PLCH1: variants seen among roughly 807,000 people sequenced by gnomAD.
The protein encoded by PLCH1 is 1-phosphatidylinositol 4,5-bisphosphate phosphodiesterase eta-1.
Under a neutral mutation model 126.7 loss-of-function variants are expected in PLCH1, and 60 were observed. The ratio of observed to expected loss-of-function variants is 0.47; its 90% CI spans 0.38 to 0.59. The LOEUF is 0.59. Ranked by LOEUF, PLCH1 falls within the 20% of genes least tolerant of loss-of-function variation. The pLI, the probability that PLCH1 is intolerant of heterozygous loss-of-function variation, is 0.00. For missense variants in PLCH1, 1,723 were observed against 2,040.0 expected, an observed-to-expected ratio of 0.84 and a Z score of 2.99; for synonymous variants, 719 against 734.9, an observed-to-expected ratio of 0.98 and a Z score of 0.35.
chr3:155,721,198 G>A (rs1269160571), intron 1 of PLCH1, among the ~76,000 whole-genome samples: 1 of 152,086 alleles, frequency 6.6e-6, no homozygotes, highest in Non-Finnish European at 1.5e-5. Flanking sequence ...TGGCTATGTG[G>A]GCTTTTTTAT....
At chr3:155,653,195 A>G (rs1011620374) in intron 2 of PLCH1, among the ~76,000 whole-genome samples, 1 of 150,882 alleles carries the variant, frequency 6.6e-6, no homozygotes, top group African/African-American at 2.4e-5. Flanking sequence ...ATAGATATAT[A>G]GATATAGATG....
At chr3:155,588,740 G>A (rs1731707084) in intron 4 of PLCH1, among the ~76,000 whole-genome samples, 1 of 152,060 alleles carries the variant, frequency 6.6e-6, no homozygotes, top group South Asian at 2.1e-4. Context: ...TAAAAACAGA[G>A]GCAGAATCAA....
At chr3:155,732,689 C>A (rs1479992994) in intron 1 of PLCH1, among the ~76,000 whole-genome samples, 1 of 151,600 alleles carries the variant, frequency 6.6e-6, no homozygotes, top group African/African-American at 2.4e-5. Flanking sequence ...ACCAGCCTAG[C>A]CAAAGTAATG....
intron 2 of PLCH1, among the ~76,000 whole-genome samples, chr3:155,682,918 A>G (rs1269847612): frequency 2.0e-5 from 3 of 152,240 alleles, no homozygotes; most frequent in African/African-American, 7.2e-5. Flanking sequence ...AGAATAGCCT[A>G]CACAAGTGTT....
intron 22 of PLCH1, among the ~76,000 whole-genome samples, chr3:155,484,643 G>GT (rs1714730911): frequency 6.6e-6 from 1 of 152,208 alleles, no homozygotes; most frequent in Non-Finnish European, 1.5e-5. Flanking sequence ...GATAGGATGG[G>GT]TTGGGAGTCA....
In PLCH1 at chr3:155,458,384, AAGAAG is replaced by A. The variant is rs1170392875; in HGVS notation, c.2938+26967_2938+26971del. 1.4e-3 allele frequency among the ~76,000 whole-genome samples: 134 copies of A among 93,644 alleles called. 4 individuals are homozygous for A. The highest frequency in any genetic ancestry group is 7.4e-3 in the African/African-American group (131 of 17,778). 61.4% of individuals were successfully genotyped at this position (93,644 alleles called of 152,430 possible). ...GAAAGAAAGAAGAAAGAAAGAAAGA[AAGAAG>A]GAAGGAAGGAAGGAAGGAAGGAAGG... is the stretch of plus-strand genomic sequence containing the variant. On this transcript the variant is annotated intron_variant, in intron 21 of 21. Coordinates refer to the PLCH1 transcript ENST00000494598.
intron 1 of PLCH1, among the ~76,000 whole-genome samples, chr3:155,726,842 C>T (rs559793361): frequency 1.1e-4 from 16 of 150,650 alleles, no homozygotes; most frequent in South Asian, 1.1e-3. Flanking sequence ...ATTACAGGCA[C>T]GCGCCATCCC....
At chr3:155,483,458 T>C in intron 22 of PLCH1, 1 of 872,924 alleles carries the variant, frequency 1.1e-6, no homozygotes, top group Non-Finnish European at 1.7e-6. Flanking sequence ...CAAGATACTA[T>C]AAGCTTTCAA....
chr3:155,591,514 C>T (rs995043703), intron 4 of PLCH1, among the ~76,000 whole-genome samples: 7 of 152,150 alleles, frequency 4.6e-5, no homozygotes, highest in Admixed American at 2.6e-4. Context: ...CCCATGTGTT[C>T]TATTGCCAGA....
chr3:155,714,742 C>A (rs1002900017), intron 1 of PLCH1, among the ~76,000 whole-genome samples: 4 of 152,140 alleles, frequency 2.6e-5, no homozygotes, highest in African/African-American at 9.7e-5. Flanking sequence ...TAATATGTAT[C>A]CAGAGCTTGA....
intron 1 of PLCH1, among the ~76,000 whole-genome samples, chr3:155,739,248 A>C (rs1469198870): frequency 1.3e-5 from 2 of 152,240 alleles, no homozygotes; most frequent in Non-Finnish European, 2.9e-5. Flanking sequence ...CCATTCTAGC[A>C]GTAAATCTAT....
intron 2 of PLCH1, among the ~76,000 whole-genome samples, chr3:155,615,857 C>T (rs1735738861): frequency 6.6e-6 from 1 of 152,118 alleles, no homozygotes; most frequent in South Asian, 2.1e-4. Context: ...TCTCAGCAAT[C>T]ACCACTAAAG....
At chr3:155,504,195 T>C (rs1315182123) in intron 13 of PLCH1, among the ~76,000 whole-genome samples, 1 of 152,204 alleles carries the variant, frequency 6.6e-6, no homozygotes, top group Non-Finnish European at 1.5e-5. Flanking sequence ...ATCTTTTTAT[T>C]GATTTATAGA....
In PLCH1 at chr3:155,480,518, G is replaced by C. The variant is rs1713841709; in HGVS notation, c.*450C>G. 1 of 154,928 alleles carries C rather than the reference G, an allele frequency of 6.5e-6. No homozygotes were observed. The highest frequency in any genetic ancestry group is 1.4e-5 in the Non-Finnish European group (1 of 69,732). The allele number at this position is 154,928 out of a possible 1,614,324, so 9.6% of individuals were successfully genotyped here. A position where few individuals can be genotyped will look rare whatever the true frequency, so the allele number is the denominator to read the frequency against. On this transcript the variant is annotated 3_prime_UTR_variant, in exon 23 of 23. Transcript: ENST00000460012. ...ATGCATCTGGGCTTCTGAACAAAGAGGGAAACATAGGAAAAATGATAACAG... is the reference window on the plus strand; with the variant it reads ...ATGCATCTGGGCTTCTGAACAAAGACGGAAACATAGGAAAAATGATAACAG...
At chr3:155,654,939 T>C (rs556810554) in intron 2 of PLCH1, among the ~76,000 whole-genome samples, 2 of 152,326 alleles carry the variant, frequency 1.3e-5, no homozygotes, top group Admixed American at 6.5e-5. Context: ...ATTCTTTGTA[T>C]CATCGACTTT....
chr3:155,742,403 A>G (rs1749701020), intron 1 of PLCH1: 1 of 152,194 alleles, frequency 6.6e-6, no homozygotes, highest in Non-Finnish European at 1.5e-5. Flanking sequence ...AAACGGAAGC[A>G]ATAACTTTAA....
At chr3:155,647,230 T>C (rs1278264775) in intron 2 of PLCH1, among the ~76,000 whole-genome samples, 1 of 152,088 alleles carries the variant, frequency 6.6e-6, no homozygotes, top group East Asian at 1.9e-4. Context: ...GCATGTATTC[T>C]TAACCTGAGA....
At chr3:155,513,603 G>T (rs916624530) in intron 12 of PLCH1, among the ~76,000 whole-genome samples, 2 of 152,192 alleles carry the variant, frequency 1.3e-5, no homozygotes, top group African/African-American at 4.8e-5. Context: ...AAAATAAATG[G>T]CTGGAGGCGA....
intron 19 of PLCH1, among the ~76,000 whole-genome samples, chr3:155,489,434 C>T (rs1715831822): frequency 6.6e-6 from 1 of 152,068 alleles, no homozygotes; most frequent in African/African-American, 2.4e-5. Context: ...GTACAAGTAA[C>T]ACTCATCTTT....
Sources: allele counts gnomAD v4.1 joint callset (sites outside exome capture counted in the v4.1 genomes callset), GRCh38; gene constraint gnomAD v4.1.1; transcripts MANE v1.5; gene names NCBI Gene and HGNC (gene_info 2026-07-23, HGNC 2026-07-21).